ATG13: variants seen among roughly 807,000 people sequenced by gnomAD.
The protein encoded by ATG13 is autophagy-related protein 13.
ATG13 carries 23 observed loss-of-function variants against 65.5 expected under a neutral mutation model. The ratio of observed to expected loss-of-function variants is 0.35; its 90% CI spans 0.25 to 0.50. The LOEUF is 0.50. ATG13 is among the 20% of genes least tolerant of loss of function. The pLI, the probability that ATG13 is intolerant of heterozygous loss-of-function variation, is 0.98. For missense variants in ATG13, 566 were observed against 677.0 expected, an observed-to-expected ratio of 0.84 and a Z score of 1.82; for synonymous variants, 252 against 245.2, an observed-to-expected ratio of 1.03 and a Z score of -0.26.
intron 13 of ATG13, 53 bp from the exon 14 acceptor site, chr11:46,665,330 C>T: frequency 6.3e-7 from 1 of 1,585,666 alleles, no homozygotes; most frequent in Non-Finnish European, 8.6e-7. Flanking sequence ...TGTGAAGTTC[C>T]CCTCCTGCCT....
intron 2 of ATG13, among the ~76,000 whole-genome samples, chr11:46,630,352 G>A (rs921625222): frequency 1.3e-4 from 20 of 152,160 alleles, no homozygotes; most frequent in African/African-American, 4.8e-4. Flanking sequence ...AATGGTTCCA[G>A]ACTGGAGGTT....
intron 7 of ATG13, among the ~76,000 whole-genome samples, chr11:46,654,441 C>G (rs1187484553): frequency 2.0e-5 from 3 of 149,248 alleles, no homozygotes; most frequent in East Asian, 3.9e-4. Context: ...GAGGCCAGGA[C>G]CAGGGGCAGT....
chr11:46,636,777 G>A (rs930836989), intron 2 of ATG13, among the ~76,000 whole-genome samples: 1 of 147,562 alleles, frequency 6.8e-6, no homozygotes, highest in African/African-American at 2.5e-5. Context: ...AGTTGATACA[G>A]TTTTTTTTTT....
chr11:46,629,736 CAT>C (rs1257679100), intron 1 of ATG13, among the ~76,000 whole-genome samples: 12 of 152,078 alleles, frequency 7.9e-5, no homozygotes, highest in Admixed American at 1.3e-4. Context: ...TACTTTCAAA[CAT>C]ATTTTAATTA....
chr11:46,626,689 T>C (rs772690516), intron 1 of ATG13, among the ~76,000 whole-genome samples: 7 of 152,218 alleles, frequency 4.6e-5, no homozygotes. Context: ...CATTTGTAAA[T>C]AAAGTTTCAC....
At chr11:46,619,372 CTTTTTTTT>C (rs746642470) in intron 1 of ATG13, among the ~76,000 whole-genome samples, 17 of 35,326 alleles carry the variant, frequency 4.8e-4, no homozygotes, top group African/African-American at 1.1e-3. Flanking sequence ...AGATTTCTTG[CTTTTTTTT>C]TTTTTTTTTT....
intron 2 of ATG13, among the ~76,000 whole-genome samples, chr11:46,631,586 G>C (rs189560001): frequency 6.6e-6 from 1 of 152,162 alleles, no homozygotes; most frequent in African/African-American, 2.4e-5. Context: ...AGTCTGGTCT[G>C]GGTGCCATGG....
Position 46,668,498 on chromosome 11 carries a change from G to C in ATG13, c.1252-1G>C. The C allele has an allele frequency of 6.2e-7, 1 of 1,614,082 alleles. No homozygotes were observed. The highest frequency in any genetic ancestry group is 8.5e-7 in the Non-Finnish European group (1 of 1,179,916). The stretch of plus-strand genomic sequence containing the variant: ...AATGCTTTTCTCCTGTGTCTCTTCA[G>C]GTGACCCTGACGAGTTTGGATATAC... On this transcript the variant is annotated splice_acceptor_variant, in intron 15 of 18. Coordinates refer to ENST00000683050, the MANE Select transcript of ATG13 (RefSeq NM_001346311.2). LOFTEE classifies it high-confidence loss of function.
chr11:46,619,704 C>T (rs1182924835), intron 1 of ATG13, among the ~76,000 whole-genome samples: 1 of 151,004 alleles, frequency 6.6e-6, no homozygotes, highest in Non-Finnish European at 1.5e-5. Flanking sequence ...TTGCTTTTAA[C>T]TGAAGAGTAA....
intron 1 of ATG13, among the ~76,000 whole-genome samples, chr11:46,619,220 G>A (rs1032134200): frequency 6.6e-6 from 1 of 151,960 alleles, no homozygotes; most frequent in Non-Finnish European, 1.5e-5. Flanking sequence ...TAGCCAGGAG[G>A]AATGCAAAGG....
chr11:46,658,348 C>T (rs529400871), intron 10 of ATG13, among the ~76,000 whole-genome samples: 1 of 152,244 alleles, frequency 6.6e-6, no homozygotes, highest in South Asian at 2.1e-4. Flanking sequence ...GTCTCTACTA[C>T]TGATAATTCT....
chr11:46,655,359 C>G (rs912184864), intron 7 of ATG13, among the ~76,000 whole-genome samples: 2 of 151,818 alleles, frequency 1.3e-5, no homozygotes, highest in Non-Finnish European at 2.9e-5. Flanking sequence ...GATTGCACCA[C>G]TGCACTCCAG....
At chr11:46,660,386 GT>G (rs34196614) in intron 11 of ATG13, among the ~76,000 whole-genome samples, 2,847 of 131,124 alleles carry the variant, frequency 0.022, 98 homozygotes, top group African/African-American at 0.077. Context: ...GTTGTTGTTG[GT>G]TTTTTTTTTT....
intron 1 of ATG13, among the ~76,000 whole-genome samples, chr11:46,622,113 AT>A (rs1226689450): frequency 1.2e-5 from 1 of 80,468 alleles, no homozygotes; most frequent in East Asian, 3.5e-4. Context: ...ATATATATAT[AT>A]ATATATATAT....
At chr11:46,659,047 G>C (rs902595459) in intron 10 of ATG13, among the ~76,000 whole-genome samples, 1 of 152,128 alleles carries the variant, frequency 6.6e-6, no homozygotes, top group Non-Finnish European at 1.5e-5. Flanking sequence ...AGTTAGCTGA[G>C]CATGGTGGTA....
intron 18 of ATG13, among the ~76,000 whole-genome samples, chr11:46,671,250 C>A (rs2063659574): frequency 6.6e-6 from 1 of 152,216 alleles, no homozygotes; most frequent in African/African-American, 2.4e-5. Flanking sequence ...GTTTAAACCC[C>A]TACTGGCAGG....
chr11:46,623,176 C>T (rs1591416052), intron 1 of ATG13, among the ~76,000 whole-genome samples: 1 of 151,782 alleles, frequency 6.6e-6, no homozygotes, highest in East Asian at 1.9e-4. Context: ...CACCTGGGGT[C>T]CCAGCTATTC....
intron 2 of ATG13, among the ~76,000 whole-genome samples, chr11:46,630,569 T>C (rs2051323225): frequency 1.8e-5 from 1 of 54,448 alleles, no homozygotes; most frequent in South Asian, 5.7e-4. Flanking sequence ...AATTAGAGGC[T>C]TTTTTTTTTT....
chr11:46,665,585 T>C (rs2062131707), intron 14 of ATG13, 66 bp downstream of exon 14: 6 of 1,569,122 alleles, frequency 3.8e-6, no homozygotes, highest in South Asian at 1.1e-5. Context: ...CTGACACACG[T>C]GCTTATTTAG....
Sources: gnomAD v4.1 joint callset for allele counts (sites outside exome capture counted in the v4.1 genomes callset) on GRCh38, gnomAD v4.1.1 for gene constraint, MANE v1.5 for transcripts, NCBI Gene and HGNC (gene_info 2026-07-23, HGNC 2026-07-21) for gene names.